Variants in FRMPD4 observed in about 807,000 individuals in gnomAD.
FRMPD4 encodes the protein FERM and PDZ domain containing 4.
In FRMPD4, 22 loss-of-function variants were observed where a neutral mutation model predicts 94.1. The ratio of observed to expected loss-of-function variants is 0.23; its 90% CI spans 0.17 to 0.33. The LOEUF (loss-of-function observed/expected upper bound fraction) is 0.33. Ranked by LOEUF, FRMPD4 falls within the 10% of genes least tolerant of loss-of-function variation. The probability of loss-of-function intolerance (pLI) is 1.00; values close to 1 mark genes in which losing one functional copy is unlikely to be tolerated. For missense variants in FRMPD4, 1,111 were observed against 1,339.9 expected, an observed-to-expected ratio of 0.83 and a Z score of 2.67; for synonymous variants, 631 against 548.6, an observed-to-expected ratio of 1.15 and a Z score of -2.10.
chrX:11,967,817 A>G (rs1356060904), intron 3 of FRMPD4, among the ~76,000 whole-genome samples: 1 of 92,936 alleles, frequency 1.1e-5, no homozygotes. Flanking sequence ...AGCTTTGTTC[A>G]TTACAGATGT....
chrX:12,341,101 G>A (rs1192053681), intron 1 of FRMPD4, among the ~76,000 whole-genome samples: 1 of 111,946 alleles, frequency 8.9e-6, no homozygotes, highest in Non-Finnish European at 1.9e-5. Flanking sequence ...TTTCAAGTCA[G>A]TTTTTAAATC....
intron 3 of FRMPD4, among the ~76,000 whole-genome samples, chrX:11,914,783 G>T (rs892705695): frequency 1.8e-5 from 2 of 111,907 alleles, no homozygotes; most frequent in Non-Finnish European, 3.8e-5. Context: ...TTATTTCTGT[G>T]GATATTATTA....
chrX:12,699,889 C>T (rs146627193), intron 9 of FRMPD4, among the ~76,000 whole-genome samples: 8 of 110,943 alleles, frequency 7.2e-5, no homozygotes, highest in African/African-American at 1.4e-4. Flanking sequence ...CTAATGCTAA[C>T]GGACTGAATG....
At chrX:12,706,949 C>A in intron 12 of FRMPD4, 34 bp downstream of exon 12, 3 of 638,534 alleles carry the variant, frequency 4.7e-6, no homozygotes, top group South Asian at 3.6e-5. Flanking sequence ...TTTGCTTTCT[C>A]TTGGAAGCCA....
intron 3 of FRMPD4, among the ~76,000 whole-genome samples, chrX:12,119,897 C>A (rs183633831): frequency 8.9e-6 from 1 of 112,485 alleles, no homozygotes; most frequent in African/African-American, 3.2e-5. Context: ...AACTAGAGAA[C>A]TTCATTGAGA....
chrX:12,345,692 A>C (rs1280134812), intron 1 of FRMPD4, among the ~76,000 whole-genome samples: 1 of 112,288 alleles, frequency 8.9e-6, no homozygotes, highest in Non-Finnish European at 1.9e-5. Context: ...TAGCAAATCT[A>C]ATTTGTCACT....
chrX:12,553,433 CCTATATATATATATATA>C (rs1569332763), intron 2 of FRMPD4, among the ~76,000 whole-genome samples: 369 of 28,741 alleles, frequency 0.013, 12 homozygotes, highest in Admixed American at 0.12. Context: ...TATCCATATG[CCTATATATATATATATA>C]TATATATATA....
chrX:12,066,692 T>C (rs2054922421), intron 3 of FRMPD4, among the ~76,000 whole-genome samples: 1 of 110,110 alleles, frequency 9.1e-6, no homozygotes, highest in African/African-American at 3.3e-5. Context: ...CCCCAAATAA[T>C]GTTTTATTAT....
intron 3 of FRMPD4, among the ~76,000 whole-genome samples, chrX:12,103,861 G>A (rs2055274281): frequency 8.9e-6 from 1 of 111,772 alleles, no homozygotes; most frequent in Non-Finnish European, 1.9e-5. Context: ...TATTCCCTTT[G>A]TAGGTCTCTG....
At chrX:11,862,287 G>A (rs746222602) in intron 1 of FRMPD4, among the ~76,000 whole-genome samples, 68 of 111,548 alleles carry the variant, frequency 6.1e-4, no homozygotes, top group African/African-American at 2.0e-3. Context: ...ATGTAGTAGA[G>A]GGAGGAAACA....
intron 1 of FRMPD4, among the ~76,000 whole-genome samples, chrX:12,150,784 C>G (rs2055838227): frequency 9.0e-6 from 1 of 111,434 alleles, no homozygotes; most frequent in South Asian, 3.8e-4. Context: ...CCCAAGTGCT[C>G]TGAGGGAGAT....
chrX:11,860,338 G>T (rs779645886), intron 1 of FRMPD4, among the ~76,000 whole-genome samples: 4 of 111,760 alleles, frequency 3.6e-5, no homozygotes, highest in Non-Finnish European at 5.7e-5. Context: ...ATCATCTATG[G>T]GATCTTGGCC....
At chrX:11,934,034 G>A (rs1214707339) in intron 3 of FRMPD4, among the ~76,000 whole-genome samples, 1 of 112,002 alleles carries the variant, frequency 8.9e-6, no homozygotes, top group Non-Finnish European at 1.9e-5. Context: ...ATACTTAAAT[G>A]GTGGTTGAGC....
At chrX:12,690,521 G>A (rs949332947) in intron 8 of FRMPD4, among the ~76,000 whole-genome samples, 195 bp downstream of exon 8, 1 of 111,986 alleles carries the variant, frequency 8.9e-6, no homozygotes, top group African/African-American at 3.2e-5. Flanking sequence ...ATCTTTTGCA[G>A]ACTGTCAGTC....
intron 1 of FRMPD4, among the ~76,000 whole-genome samples, chrX:12,220,211 A>T (rs916883272): frequency 1.8e-5 from 2 of 111,651 alleles, no homozygotes; most frequent in Non-Finnish European, 3.8e-5. Context: ...AAACAAGAAA[A>T]CAAAGCAACC....
At chrX:12,150,203 G>A (rs1264559007) in intron 1 of FRMPD4, among the ~76,000 whole-genome samples, 1 of 112,061 alleles carries the variant, frequency 8.9e-6, no homozygotes, top group Admixed American at 9.4e-5. Context: ...AATATTTGGC[G>A]AATTGTGAAT....
chrX:12,717,629 A>G lies in FRMPD4; in HGVS notation c.2803A>G (p.Met935Val), dbSNP rs199539048. 6 of 1,208,340 alleles carry G rather than the reference A, an allele frequency of 5.0e-6. No individual in the cohort carries two copies. The East Asian group carries it at 1.2e-4, about 24-fold the overall frequency. ...AAAACAGTCAGAAAACCTCTCCCGC[A>G]TGTTCTTGGCCACTCACGAAGGCTA... ...AQKQSENLSR[M>V]FLATHEGYHP... Residue 935 changes from methionine to valine, a missense_variant, in exon 16 of 17, where the codon ATG becomes GTG. Transcript: ENST00000675598.
intron 1 of FRMPD4, among the ~76,000 whole-genome samples, chrX:12,384,545 T>A (rs2056371157): frequency 9.0e-6 from 1 of 110,632 alleles, no homozygotes; most frequent in African/African-American, 3.3e-5. Context: ...CTTACAATAA[T>A]GGAATGTTAG....
intron 3 of FRMPD4, among the ~76,000 whole-genome samples, chrX:11,910,892 G>A (rs2053993174): frequency 9.2e-6 from 1 of 108,371 alleles, no homozygotes; most frequent in African/African-American, 3.4e-5. Flanking sequence ...TTCAAGAAAT[G>A]TATTTAATTT....
Sources: gnomAD v4.1 joint callset for allele counts (sites outside exome capture counted in the v4.1 genomes callset) on GRCh38, gnomAD v4.1.1 for gene constraint, MANE v1.5 for transcripts, NCBI Gene and HGNC (gene_info 2026-07-23, HGNC 2026-07-21) for gene names.